Variants in ENDOD1 observed in about 807,000 individuals in gnomAD.
The protein encoded by ENDOD1 is endonuclease domain-containing 1 protein.
Under a neutral mutation model 6.5 loss-of-function variants are expected in ENDOD1, and 9 were observed. The observed-to-expected ratio is 1.39, with a 90% confidence interval of 0.84 to 2.43. The LOEUF (loss-of-function observed/expected upper bound fraction) is 2.43. ENDOD1 is among the 30% of genes most tolerant of loss of function. The pLI is 0.00. For missense variants in ENDOD1, 648 were observed against 635.5 expected, an observed-to-expected ratio of 1.02 and a Z score of -0.21; for synonymous variants, 255 against 255.2, an observed-to-expected ratio of 1.00 and a Z score of 0.01.
intron 1 of ENDOD1, among the ~76,000 whole-genome samples, chr11:95,107,822 G>A (rs537750604): frequency 2.6e-5 from 4 of 152,280 alleles, no homozygotes; most frequent in East Asian, 1.9e-4. Context: ...CACTCCGCCC[G>A]GCTAATTTTT....
At chr11:95,117,724 G>A (rs1296445720) in intron 1 of ENDOD1, among the ~76,000 whole-genome samples, 2 of 152,088 alleles carry the variant, frequency 1.3e-5, no homozygotes, top group Admixed American at 1.3e-4. Context: ...CTGCCCATTT[G>A]TGTCTTTTGA....
chr11:95,115,849 A>G (rs76999758), intron 1 of ENDOD1, among the ~76,000 whole-genome samples: 16,471 of 152,186 alleles, frequency 0.11, 1,168 homozygotes, highest in South Asian at 0.2. Flanking sequence ...CCACCTGGTC[A>G]TGATGAATGA....
At chr11:95,094,225 G>T (rs1279199427) in intron 1 of ENDOD1, among the ~76,000 whole-genome samples, 3 of 151,234 alleles carry the variant, frequency 2.0e-5, no homozygotes, top group African/African-American at 7.3e-5. Flanking sequence ...ATACTGTGAG[G>T]TAGATATTAT....
At chr11:95,092,759 C>T (rs1283391385) in intron 1 of ENDOD1, among the ~76,000 whole-genome samples, 5 of 152,186 alleles carry the variant, frequency 3.3e-5, no homozygotes, top group African/African-American at 9.7e-5. Context: ...TGCAGCAAAC[C>T]TGCCCCCACT....
chr11:95,090,301 T>G (rs1858916689), intron 1 of ENDOD1, 74 bp downstream of exon 1: 2 of 1,343,630 alleles, frequency 1.5e-6, no homozygotes, highest in African/African-American at 1.5e-5. Flanking sequence ...CAGTTGCAGC[T>G]ACCGCGAGGG....
Position 95,089,886 on chromosome 11 carries a change from G to GCAGCCCAGCCGCT in ENDOD1, c.-40_-28dup, listed in dbSNP as rs1858907823. The stretch of plus-strand genomic sequence containing the variant: ...CCCAGCCTGCAGAGCTCGCGCCGCG[G>GCAGCCCAGCCGCT]CAGCCCAGCCGCTCGGCCCCGCCGC... On this transcript the variant is annotated 5_prime_UTR_variant, in exon 1 of 2. Coordinates refer to ENST00000278505, the MANE Select transcript of ENDOD1 (RefSeq NM_015036.3). The GCAGCCCAGCCGCT allele has an allele frequency of 4.6e-6, 6 of 1,295,046 alleles. No individual in the cohort carries two copies. Among genetic ancestry groups the GCAGCCCAGCCGCT allele is most frequent in the Non-Finnish European group, 5.9e-6 (6 of 1,019,156 alleles). 80.2% of individuals were successfully genotyped at this position (1,295,046 alleles called of 1,614,324 possible). A position where few individuals can be genotyped will look rare whatever the true frequency, so the allele number is the denominator to read the frequency against.
At chr11:95,113,617 TATGTATGTA>T (rs1555112175) in intron 1 of ENDOD1, among the ~76,000 whole-genome samples, 1 of 147,892 alleles carries the variant, frequency 6.8e-6, no homozygotes, top group African/African-American at 2.7e-5. Flanking sequence ...TCATTGTGCA[TATGTATGTA>T]CCACATTTTC....
At chr11:95,093,825 C>T (rs1858954953) in intron 1 of ENDOD1, among the ~76,000 whole-genome samples, 1 of 152,104 alleles carries the variant, frequency 6.6e-6, no homozygotes, top group South Asian at 2.1e-4. Context: ...TGCTCTGCAG[C>T]CACTCCATCA....
intron 1 of ENDOD1, among the ~76,000 whole-genome samples, chr11:95,120,626 G>T (rs1024398106): frequency 1.3e-5 from 2 of 151,832 alleles, no homozygotes; most frequent in African/African-American, 4.8e-5. Context: ...TGTGCAACCT[G>T]GGGTTAGGGG....
intron 1 of ENDOD1, among the ~76,000 whole-genome samples, chr11:95,121,179 T>G (rs572330746): frequency 6.6e-6 from 1 of 152,218 alleles, no homozygotes; most frequent in Non-Finnish European, 1.5e-5. Context: ...TAGTTTTTTG[T>G]GTAGATAGTT....
At chr11:95,125,295 C>T (rs535500913) in intron 1 of ENDOD1, among the ~76,000 whole-genome samples, 4 of 152,266 alleles carry the variant, frequency 2.6e-5, no homozygotes, top group South Asian at 2.1e-4. Context: ...CTTAAAATCC[C>T]GACCTTACAC....
In ENDOD1 at chr11:95,090,027, T is replaced by C; in HGVS notation, c.100T>C (p.Cys34Arg). 1 of 1,594,230 alleles carries C rather than the reference T, an allele frequency of 6.3e-7. No individual in the cohort carries two copies. Among genetic ancestry groups the C allele is most frequent in the Non-Finnish European group, 8.5e-7 (1 of 1,172,044 alleles). Residue 34 changes from cysteine to arginine, a missense_variant, in exon 1 of 2, where the codon TGT (cysteine) becomes CGT (arginine). Cys to Arg is a radical substitution (Grantham distance 180, BLOSUM62 -3). Coordinates refer to ENST00000278505, the MANE Select transcript of ENDOD1 (RefSeq NM_015036.3). The stretch of plus-strand genomic sequence containing the variant: ...CGAGGAGGAAGCCGGCTTTGGCGAA[T>C]GTGACAAGTTCTTCTACGCCGGGAC... ...VGEEEAGFGE[C>R]DKFFYAGTPP...
At chr11:95,125,158 T>A (rs1273528971) in intron 1 of ENDOD1, among the ~76,000 whole-genome samples, 1 of 151,988 alleles carries the variant, frequency 6.6e-6, no homozygotes, top group African/African-American at 2.4e-5. Context: ...TCCAGCATGC[T>A]CCCCCTATGC....
intron 1 of ENDOD1, among the ~76,000 whole-genome samples, chr11:95,099,536 C>T (rs1859017754): frequency 6.6e-6 from 1 of 152,218 alleles, no homozygotes; most frequent in Admixed American, 6.5e-5. Context: ...TTCAGGAGCT[C>T]CTTCTCTGCA....
chr11:95,123,052 GGT>G (rs1234916424), intron 1 of ENDOD1, among the ~76,000 whole-genome samples: 2 of 152,056 alleles, frequency 1.3e-5, no homozygotes, highest in Non-Finnish European at 2.9e-5. Flanking sequence ...AGCCAGGTGT[GGT>G]GGCACGTGCC....
At position 95,101,360 on chromosome 11, in the gene ENDOD1, T is replaced by A. The variant is rs573469012; in HGVS notation, c.300+11133T>A. The stretch of plus-strand genomic sequence containing the variant: ...TGATCAAAAAAATGTTGTTGAACAG[T>A]GAGCACTTGGCAAATATGGATTGAG... On this transcript the variant is annotated intron_variant, in intron 1 of 1. Coordinates refer to ENST00000278505, the MANE Select transcript of ENDOD1 (RefSeq NM_015036.3). 3.3e-5 allele frequency among the ~76,000 whole-genome samples: 5 copies of A among 152,290 alleles called. No homozygotes were observed. In the South Asian group the frequency reaches 1.0e-3, roughly 32 times the overall value.
Position 95,129,754 on chromosome 11 carries a change from T to G in ENDOD1, c.*175T>G, listed in dbSNP as rs1301456145. 2 of 668,870 alleles carry G rather than the reference T, an allele frequency of 3.0e-6. No individual in the cohort carries two copies. Among genetic ancestry groups the G allele is most frequent in the Non-Finnish European group, 5.0e-6 (2 of 401,072 alleles). 41.4% of individuals were successfully genotyped at this position (668,870 alleles called of 1,614,324 possible). ...TTTAGACTTGACAGAGGAGAAATGC[T>G]CAGGGTGAGATTAGGTGTAGTAATC... On this transcript the variant is annotated 3_prime_UTR_variant, in exon 2 of 2. Transcript: ENST00000278505.
At chr11:95,091,233 G>A (rs1435970213) in intron 1 of ENDOD1, among the ~76,000 whole-genome samples, 2 of 152,272 alleles carry the variant, frequency 1.3e-5, no homozygotes, top group East Asian at 3.9e-4. Context: ...CTGACCCAAC[G>A]CTCTCCCTTT....
At chr11:95,114,368 G>A (rs1859182098) in intron 1 of ENDOD1, among the ~76,000 whole-genome samples, 1 of 147,624 alleles carries the variant, frequency 6.8e-6, no homozygotes, top group African/African-American at 2.7e-5. Context: ...TTCCTATGGA[G>A]TTGTTTGAAC....
Sources: allele counts gnomAD v4.1 joint callset (sites outside exome capture counted in the v4.1 genomes callset), GRCh38; gene constraint gnomAD v4.1.1; transcripts MANE v1.5; gene names NCBI Gene and HGNC (gene_info 2026-07-23, HGNC 2026-07-21).